SPAG5: variants seen among roughly 807,000 people sequenced by gnomAD.
SPAG5 encodes the protein sperm-associated antigen 5.
In SPAG5, 99 loss-of-function variants were observed where a neutral mutation model predicts 145.4. That is an observed-to-expected ratio of 0.68 (90% CI 0.58 to 0.80). The LOEUF is 0.80. SPAG5 is among the 30% of genes least tolerant of loss of function. The probability of loss-of-function intolerance (pLI) is 0.00; values close to 1 mark genes in which losing one functional copy is unlikely to be tolerated. For synonymous variants in SPAG5, 477 were observed against 525.4 expected, an observed-to-expected ratio of 0.91 and a Z score of 1.26; for missense variants, 1,192 against 1,416.0, an observed-to-expected ratio of 0.84 and a Z score of 2.54.
intron 23 of SPAG5, 75 bp from the exon 24 acceptor site, chr17:28,577,845 C>T (rs1458563821): frequency 9.6e-6 from 13 of 1,348,938 alleles, no homozygotes; most frequent in Admixed American, 3.4e-5. Context: ...AGGAGGCAGC[C>T]GCTGAATTAG....
At position 28,585,856 on chromosome 17, in the gene SPAG5, C is replaced by T. The variant is rs774464843; in HGVS notation, c.1740+8G>A. 63 of 1,614,122 alleles carry T rather than the reference C, an allele frequency of 3.9e-5. No homozygotes were observed. The highest frequency in any genetic ancestry group is 5.0e-5 in the Non-Finnish European group (59 of 1,180,058). ...CCCACATCCAAGAACAAATGCCTGTCACCTTACCGCATCCTTGCCTCTGAG... is the reference window on the plus strand; with the variant it reads ...CCCACATCCAAGAACAAATGCCTGTTACCTTACCGCATCCTTGCCTCTGAG... On this transcript the variant is annotated splice_region_variant and intron_variant, in intron 7 of 23. Transcript: ENST00000321765.
chr17:28,596,415 C>A (rs913684573), intron 2 of SPAG5, among the ~76,000 whole-genome samples: 2 of 152,136 alleles, frequency 1.3e-5, no homozygotes, highest in African/African-American at 4.8e-5. Flanking sequence ...CACCTGTAAT[C>A]CCAGCACTTT....
intron 4 of SPAG5, among the ~76,000 whole-genome samples, chr17:28,590,227 C>T (rs1403687095): frequency 1.3e-5 from 2 of 152,066 alleles, no homozygotes; most frequent in Non-Finnish European, 2.9e-5. Flanking sequence ...AGTTCAGCAA[C>T]AATTCGTGAC....
rs1390277131 is a variant in SPAG5 at position 28,598,637 on chromosome 17, TGAGA to T, written c.52-6_52-3del. 3.8e-6 allele frequency: 6 copies of T among 1,588,926 alleles called. No individual in the cohort carries two copies. Among genetic ancestry groups the T allele is most frequent in the Admixed American group, 1.8e-5 (1 of 56,604 alleles). ...AGGAGTTCTCATAGATGGTTTTCCC[TGAGA>T]AAGAAACCAAGAAAGAGGGCGAGTG... On this transcript the variant is annotated splice_region_variant and splice_polypyrimidine_tract_variant and intron_variant, in intron 1 of 23. Transcript: ENST00000321765.
rs1157100270 is a variant in SPAG5, at chr17:28,583,756, C to T, written c.2546+97G>A. ...TAAAGGAGAGAAACAAGAGGCTCAA[C>T]ACTCACAGTTCTCTTCTTGGAGATT... On this transcript the variant is annotated intron_variant, in intron 14 of 23. Coordinates refer to ENST00000321765, the MANE Select transcript of SPAG5 (RefSeq NM_006461.4). 1.9e-6 allele frequency: 3 copies of T among 1,544,210 alleles called. No individual in the cohort carries two copies. The African/African-American group carries it at 4.1e-5, about 21-fold the overall frequency.
chr17:28,595,215 G>A (rs1244329008), intron 2 of SPAG5, among the ~76,000 whole-genome samples: 5 of 148,222 alleles, frequency 3.4e-5, no homozygotes, highest in South Asian at 2.1e-4. Flanking sequence ...CCAAGATCGC[G>A]GCACTGCACT....
At chr17:28,591,895 T>G (rs945731129) in intron 3 of SPAG5, 23 bp from the exon 4 acceptor site, 1 of 1,609,930 alleles carries the variant, frequency 6.2e-7, no homozygotes, top group Non-Finnish European at 8.5e-7. Context: ...GAGAAGAACA[T>G]GACGAAAAGA....
At position 28,584,605 on chromosome 17, in the gene SPAG5, G is replaced by A. The variant is rs532222666; in HGVS notation, c.2161+47C>T. 1.9e-6 allele frequency: 3 copies of A among 1,598,850 alleles called. No homozygotes were observed. In the South Asian group the frequency reaches 3.3e-5, roughly 18 times the overall value. On this transcript the variant is annotated intron_variant, in intron 11 of 23. Coordinates refer to ENST00000321765, the MANE Select transcript of SPAG5 (RefSeq NM_006461.4). ...AGTGCCACACTCCAAGCCTTAACAG[G>A]GCTCAAATGCTTACATGCATGCATA...
intron 2 of SPAG5, among the ~76,000 whole-genome samples, chr17:28,597,577 G>A (rs1036772133): frequency 6.6e-6 from 1 of 152,200 alleles, no homozygotes; most frequent in African/African-American, 2.4e-5. Context: ...ACTCTTTCAA[G>A]AAAGACTGCT....
At chr17:28,583,055 G>C (rs1389537905) in intron 15 of SPAG5, among the ~76,000 whole-genome samples, 2 of 152,182 alleles carry the variant, frequency 1.3e-5, no homozygotes, top group Non-Finnish European at 2.9e-5. Flanking sequence ...ATGGCTCACT[G>C]CAGCCTCAAC....
Position 28,586,462 on chromosome 17 carries a change from T to C in SPAG5, c.1475A>G (p.Glu492Gly). The C allele has an allele frequency of 6.2e-7, 1 of 1,613,984 alleles. No homozygotes were observed. Among genetic ancestry groups the C allele is most frequent in the African/African-American group, 1.3e-5 (1 of 75,060 alleles). The change falls in exon 5 of 24, where the codon GAG becomes GGG. Residue 492 changes from glutamate (E) to glycine (G), a missense_variant. Glu to Gly is a moderately conservative substitution (Grantham distance 98, BLOSUM62 -2). Transcript: ENST00000321765. ...NKLQHLKESH[E>G]MGQALQQARN... ...GGCCTGCTGTAGGGCCTGTCCCATC[T>C]CATGGCTCTCCTTAAGATGCTGAAG...
chr17:28,591,827 A>G lies in SPAG5; in HGVS notation c.1308T>C (p.Asp436=), dbSNP rs771098256. 8.1e-6 allele frequency: 13 copies of G among 1,614,146 alleles called. No individual in the cohort carries two copies. The Admixed American group carries it at 1.8e-4, about 23-fold the overall frequency. ...LTALSRHDLE[D]NLLSSLVILE... ...GAATGACAAGAGAGCTCAGCAGGTT[A>G]TCTTCCAAGTCATGTCGAGACAAGG... The change falls in exon 4 of 24, where the codon GAT becomes GAC. Residue 436 remains aspartate, a synonymous_variant. Coordinates refer to ENST00000321765, the MANE Select transcript of SPAG5 (RefSeq NM_006461.4).
chr17:28,583,738 G>A, intron 14 of SPAG5, 89 bp from the exon 15 acceptor site: 1 of 1,540,286 alleles, frequency 6.5e-7, no homozygotes, highest in Non-Finnish European at 8.8e-7. Context: ...CATTAAAGGA[G>A]AGAAACAAGA....
chr17:28,583,496 A>T lies in SPAG5; in HGVS notation c.2685+15T>A, dbSNP rs562216533. 1 of 1,555,544 alleles carries T rather than the reference A, an allele frequency of 6.4e-7. No individual in the cohort carries two copies. The highest frequency in any genetic ancestry group is 2.1e-5 in the Admixed American group (1 of 46,622). ...ATACAATTGGAAGAGAAGAGAAGGAACCCCAGGATCCTACCTTCTCCTTTA... is the reference window on the plus strand; with the variant it reads ...ATACAATTGGAAGAGAAGAGAAGGATCCCCAGGATCCTACCTTCTCCTTTA... On this transcript the variant is annotated intron_variant, in intron 15 of 23. Transcript: ENST00000321765.
At chr17:28,585,743 T>G in intron 7 of SPAG5, 90 bp from the exon 8 acceptor site, 4 of 1,607,124 alleles carry the variant, frequency 2.5e-6, no homozygotes, top group Non-Finnish European at 3.4e-6. Context: ...AGATCAGTTC[T>G]TTACTGCCCA....
At chr17:28,578,618 C>T (rs906330526) in intron 20 of SPAG5, 54 bp downstream of exon 20, 51 of 1,609,806 alleles carry the variant, frequency 3.2e-5, no homozygotes, top group Non-Finnish European at 2.1e-5. Flanking sequence ...TACTTGGGAT[C>T]CTGGCTGACC....
rs2070533500 is a variant in SPAG5, at chr17:28,579,350, C to G, written c.3005+15G>C. ...TCTCACTGTCCCTCTGTCACCAAAA[C>G]TGCATCCCACTCACATTTTTCGCTG... On this transcript the variant is annotated intron_variant, in intron 18 of 23. Transcript: ENST00000321765. 6.2e-7 allele frequency: 1 copy of G among 1,613,898 alleles called. No individual in the cohort carries two copies. The highest frequency in any genetic ancestry group is 1.3e-5 in the African/African-American group (1 of 74,924).
intron 23 of SPAG5, 84 bp from the exon 24 acceptor site, chr17:28,577,854 A>G: frequency 7.7e-7 from 1 of 1,292,694 alleles, no homozygotes; most frequent in Non-Finnish European, 1.1e-6. Flanking sequence ...CCGCTGAATT[A>G]GAGGGGAGAA....
chr17:28,597,028 G>A (rs970994075), intron 2 of SPAG5, among the ~76,000 whole-genome samples: 5 of 151,736 alleles, frequency 3.3e-5, no homozygotes, highest in South Asian at 2.1e-4. Context: ...CAGAGGTTGC[G>A]GTGAGCCGAG....
Sources: allele counts gnomAD v4.1 joint callset (sites outside exome capture counted in the v4.1 genomes callset), GRCh38; gene constraint gnomAD v4.1.1; transcripts MANE v1.5; gene names NCBI Gene and HGNC (gene_info 2026-07-23, HGNC 2026-07-21).